The following SDHAF3 variants were observed in gnomAD, a reference collection of about 807,000 sequenced individuals.
SDHAF3 encodes succinate dehydrogenase assembly factor 3, mitochondrial.
SDHAF3 carries 18 observed loss-of-function variants against 11.5 expected under a neutral mutation model. The ratio of observed to expected loss-of-function variants is 1.56; its 90% CI spans 1.08 to 2.32. The LOEUF is 2.32. SDHAF3 is among the 30% of genes most tolerant of loss of function. SDHAF3 has a pLI of 0.00. For synonymous variants in SDHAF3, 72 were observed against 59.3 expected (o/e 1.21, Z -0.99); for missense variants, 200 against 154.4 (o/e 1.30, Z -1.57).
intron 1 of SDHAF3, among the ~76,000 whole-genome samples, chr7:97,131,131 A>G (rs1183857328): frequency 2.0e-5 from 3 of 152,248 alleles, no homozygotes; most frequent in African/African-American, 7.2e-5. Context: ...AGGTCTAGTC[A>G]AGATTTAAAA....
intron 1 of SDHAF3, among the ~76,000 whole-genome samples, chr7:97,162,063 G>A (rs1358637295): frequency 6.6e-6 from 1 of 152,172 alleles, no homozygotes; most frequent in Non-Finnish European, 1.5e-5. Flanking sequence ...GTGTAAAAGT[G>A]TTCCTATTTC....
At chr7:97,131,154 A>G (rs1791665874) in intron 1 of SDHAF3, among the ~76,000 whole-genome samples, 1 of 152,234 alleles carries the variant, frequency 6.6e-6, no homozygotes, top group Admixed American at 6.5e-5. Flanking sequence ...AGTGTTTCCA[A>G]AAAACTATTA....
rs1450926448 is a variant in SDHAF3 at position 97,117,751 on chromosome 7, C to T, written c.28C>T (p.Arg10Trp). Reference sequence around the variant, plus strand: ...GCCGGGGCGGCACGTTTCTCGAGTCCGGGCATTGTACAAGCGCGTCTTGCA... The same window carrying T: ...GCCGGGGCGGCACGTTTCTCGAGTCTGGGCATTGTACAAGCGCGTCTTGCA... MPGRHVSRV[R>W]ALYKRVLQLH... The change falls in exon 1 of 2, where the codon CGG becomes TGG. Residue 10 changes from arginine to tryptophan, a missense_variant. By Grantham distance (101) the Arg-to-Trp change is moderately radical. Coordinates refer to ENST00000432641, the MANE Select transcript of SDHAF3 (RefSeq NM_020186.3). The T allele has an allele frequency of 4.3e-6, 7 of 1,613,690 alleles. No individual in the cohort carries two copies. Among genetic ancestry groups the T allele is most frequent in the East Asian group, 2.2e-5 (1 of 44,884 alleles).
rs369183186 is a variant in SDHAF3, at chr7:97,117,703, C to T, written c.-21C>T. 3 of 1,603,900 alleles carry T rather than the reference C, an allele frequency of 1.9e-6. No individual in the cohort carries two copies. The highest frequency in any genetic ancestry group is 1.7e-6 in the Non-Finnish European group (2 of 1,174,908). On this transcript the variant is annotated 5_prime_UTR_variant, in exon 1 of 2. Coordinates refer to ENST00000432641, the MANE Select transcript of SDHAF3 (RefSeq NM_020186.3). Reference sequence around the variant, plus strand: ...CGCCGTCCCTCTGCGCAGGCGCAGTCGGCGGTCGGCGTGGGGCGCTATGCC... The same window carrying T: ...CGCCGTCCCTCTGCGCAGGCGCAGTTGGCGGTCGGCGTGGGGCGCTATGCC...
chr7:97,179,316 A>G (rs1789734873), intron 1 of SDHAF3, among the ~76,000 whole-genome samples: 1 of 152,168 alleles, frequency 6.6e-6, no homozygotes, highest in African/African-American at 2.4e-5. Flanking sequence ...CCATTTTTGT[A>G]AATGAATAAT....
At chr7:97,174,426 A>G (rs1789650303) in intron 1 of SDHAF3, among the ~76,000 whole-genome samples, 1 of 152,178 alleles carries the variant, frequency 6.6e-6, no homozygotes, top group Non-Finnish European at 1.5e-5. Context: ...CATTGATGCA[A>G]TATTATATTG....
chr7:97,137,806 A>G lies in SDHAF3; in HGVS notation c.174+19909A>G, dbSNP rs150258032. Among the ~76,000 whole-genome samples the G allele has an allele frequency of 2.0e-5, 3 of 146,456 alleles. No homozygotes were observed. The East Asian group carries it at 6.1e-4, about 30-fold the overall frequency. On this transcript the variant is annotated intron_variant, in intron 1 of 1. Coordinates refer to ENST00000432641, the MANE Select transcript of SDHAF3 (RefSeq NM_020186.3). ...CTCTTTCTTAGCTGTTGAATTTATG[A>G]TTATCTACCAATATATCTACCATGT...
chr7:97,162,555 C>CT (rs1789430002), intron 1 of SDHAF3, among the ~76,000 whole-genome samples: 1 of 152,166 alleles, frequency 6.6e-6, no homozygotes, highest in Non-Finnish European at 1.5e-5. Flanking sequence ...CTACACACTG[C>CT]TTTAAATGTG....
At chr7:97,167,549 G>A (rs1194925160) in intron 1 of SDHAF3, among the ~76,000 whole-genome samples, 2 of 152,172 alleles carry the variant, frequency 1.3e-5, no homozygotes, top group East Asian at 1.9e-4. Context: ...AATTGCCATA[G>A]AGAAAGAGTA....
chr7:97,174,588 C>T (rs936982698), intron 1 of SDHAF3, among the ~76,000 whole-genome samples: 3 of 152,124 alleles, frequency 2.0e-5, no homozygotes, highest in African/African-American at 7.2e-5. Flanking sequence ...CTTCCTTTTT[C>T]CTTGTCATTG....
intron 1 of SDHAF3, among the ~76,000 whole-genome samples, chr7:97,144,507 G>C (rs1470184174): frequency 6.6e-6 from 1 of 152,190 alleles, no homozygotes; most frequent in Non-Finnish European, 1.5e-5. Context: ...AAGAGATGAG[G>C]ATCCAGTTTC....
chr7:97,124,497 G>A lies in SDHAF3; in HGVS notation c.174+6600G>A, dbSNP rs374629105. On this transcript the variant is annotated intron_variant, in intron 1 of 1. Transcript: ENST00000432641. The stretch of plus-strand genomic sequence containing the variant: ...TGCGGGCTCCTTTTTGGTTCCACAT[G>A]AAATTTAAAGTAATTTTTTTTCTAG... 3.3e-5 allele frequency among the ~76,000 whole-genome samples: 5 copies of A among 152,134 alleles called. No homozygotes were observed. The East Asian group carries it at 7.7e-4, about 23-fold the overall frequency.
intron 1 of SDHAF3, among the ~76,000 whole-genome samples, chr7:97,119,698 G>A (rs183793307): frequency 6.6e-6 from 1 of 152,254 alleles, no homozygotes; most frequent in Admixed American, 6.5e-5. Flanking sequence ...AATGCATTTA[G>A]TTATTCTTTT....
chr7:97,181,243 G>A lies in SDHAF3; in HGVS notation c.*28G>A, dbSNP rs1373393173. On this transcript the variant is annotated 3_prime_UTR_variant, in exon 2 of 2. Coordinates refer to ENST00000432641, the MANE Select transcript of SDHAF3 (RefSeq NM_020186.3). ...TATACAACAAAGCTTAATAAGACAT[G>A]CAAAAATTTAGAACCCCTACTTTAA... 1 of 1,548,818 alleles carries A rather than the reference G, an allele frequency of 6.5e-7. No individual in the cohort carries two copies. Among genetic ancestry groups the A allele is most frequent in the Admixed American group, 2.1e-5 (1 of 48,280 alleles).
At chr7:97,135,524 T>C (rs1791739402) in intron 1 of SDHAF3, 1 of 155,666 alleles carries the variant, frequency 6.4e-6, no homozygotes, top group African/African-American at 2.4e-5. Flanking sequence ...TCTTAGCCCA[T>C]TGGTTTCTTG....
intron 1 of SDHAF3, among the ~76,000 whole-genome samples, chr7:97,175,565 C>G (rs948008981): frequency 1.3e-5 from 2 of 152,194 alleles, no homozygotes; most frequent in Admixed American, 1.3e-4. Flanking sequence ...TCTGGGATTA[C>G]AGGTGTGAGC....
At chr7:97,161,866 C>T (rs940873438) in intron 1 of SDHAF3, among the ~76,000 whole-genome samples, 2 of 152,138 alleles carry the variant, frequency 1.3e-5, no homozygotes, top group African/African-American at 4.8e-5. Flanking sequence ...CCAAGTCTTG[C>T]TATTGTGAAT....
intron 1 of SDHAF3, among the ~76,000 whole-genome samples, chr7:97,164,322 A>T (rs1405578780): frequency 6.7e-6 from 1 of 150,364 alleles, no homozygotes; most frequent in East Asian, 2.0e-4. Context: ...CTTATTCAAC[A>T]GATTGTATGG....
At chr7:97,137,899 G>C (rs954423820) in intron 1 of SDHAF3, among the ~76,000 whole-genome samples, 10 of 93,962 alleles carry the variant, frequency 1.1e-4, no homozygotes, top group Non-Finnish European at 1.3e-4. Flanking sequence ...TTTAGATGGA[G>C]TTTTGTTTTG....
Sources: allele counts gnomAD v4.1 joint callset (sites outside exome capture counted in the v4.1 genomes callset), GRCh38; gene constraint gnomAD v4.1.1; transcripts MANE v1.5; gene names NCBI Gene and HGNC (gene_info 2026-07-23, HGNC 2026-07-21).